Variants in NFATC3 observed in about 807,000 individuals in gnomAD.
NFATC3 encodes the protein nuclear factor of activated T cells 3.
A neutral mutation model predicts 98.6 loss-of-function variants in NFATC3; 46 were observed. That is an observed-to-expected ratio of 0.47 (90% confidence interval 0.37 to 0.60). The LOEUF (loss-of-function observed/expected upper bound fraction) is 0.60, where lower values mean the gene tolerates loss of function less well. NFATC3 is among the 20% of genes least tolerant of loss of function. The pLI is 0.00. For synonymous variants in NFATC3, 512 were observed against 472.2 expected (o/e 1.08, Z -1.09); for missense variants, 1,256 against 1,295.5 (o/e 0.97, Z 0.47).
intron 1 of NFATC3, among the ~76,000 whole-genome samples, chr16:68,107,925 T>A (rs994872604): frequency 1.9e-4 from 29 of 151,674 alleles, no homozygotes; most frequent in Admixed American, 7.9e-4. Context: ...TTTATTTTTT[T>A]TTTTTTTGTA....
chr16:68,226,035 C>G (rs1458333886), intron 9 of NFATC3: 1 of 193,264 alleles, frequency 5.2e-6, no homozygotes, highest in East Asian at 1.3e-4. Flanking sequence ...AAAATAAAAA[C>G]TTTCTCAAAG....
Position 68,115,517 on chromosome 16 carries a change from C to T in NFATC3, c.104-6470C>T, listed in dbSNP as rs190515761. On this transcript the variant is annotated intron_variant, in intron 1 of 9. Transcript: ENST00000346183. ...TCGGCTTACTGCGACCTCCGCCTCCCGGGTTCAACTGATTCCCCTGCCCCA... is the reference window on the plus strand; with the variant it reads ...TCGGCTTACTGCGACCTCCGCCTCCTGGGTTCAACTGATTCCCCTGCCCCA... 9.7e-4 allele frequency among the ~76,000 whole-genome samples: 147 copies of T among 152,090 alleles called. 6 individuals carry two copies. The highest frequency in any genetic ancestry group is 8.1e-3 in the Admixed American group (124 of 15,264).
At chr16:68,096,302 C>T (rs1330816583) in intron 1 of NFATC3, among the ~76,000 whole-genome samples, 1 of 152,010 alleles carries the variant, frequency 6.6e-6, no homozygotes, top group Non-Finnish European at 1.5e-5. Flanking sequence ...TTCATTCTTT[C>T]GAAGGCTCAT....
intron 1 of NFATC3, among the ~76,000 whole-genome samples, chr16:68,111,426 A>G (rs1266570284): frequency 1.3e-5 from 2 of 152,072 alleles, no homozygotes; most frequent in African/African-American, 4.8e-5. Flanking sequence ...CTGTTTTGTC[A>G]GAAACTAGGA....
At chr16:68,220,232 G>A (rs2041809410) in intron 9 of NFATC3, among the ~76,000 whole-genome samples, 1 of 152,140 alleles carries the variant, frequency 6.6e-6, no homozygotes, top group South Asian at 2.1e-4. Flanking sequence ...TTTAAAGGGA[G>A]GAAAATGAGG....
At chr16:68,208,626 G>A (rs1567550531) in intron 9 of NFATC3, among the ~76,000 whole-genome samples, 1 of 151,936 alleles carries the variant, frequency 6.6e-6, no homozygotes, top group Non-Finnish European at 1.5e-5. Context: ...GCTATTTGTG[G>A]GACTGAGGCA....
chr16:68,192,832 C>T (rs2040502809), intron 9 of NFATC3, among the ~76,000 whole-genome samples: 2 of 152,116 alleles, frequency 1.3e-5, no homozygotes, highest in Non-Finnish European at 2.9e-5. Flanking sequence ...CATTGCACTC[C>T]AGCTTGGGTG....
chr16:68,111,600 T>C (rs773340145), intron 1 of NFATC3, among the ~76,000 whole-genome samples: 2 of 152,206 alleles, frequency 1.3e-5, no homozygotes, highest in Non-Finnish European at 2.9e-5. Flanking sequence ...TGTATTTTAA[T>C]TGGGGTATTT....
chr16:68,089,037 G>A (rs2034560469), intron 1 of NFATC3: 5 of 985,288 alleles, frequency 5.1e-6, no homozygotes, highest in Non-Finnish European at 6.0e-6. Flanking sequence ...TCGTGGTAGA[G>A]GAAATTGACG....
rs974509119 is a variant in NFATC3 at position 68,085,628 on chromosome 16, G to C, written c.-54G>C. 111 of 1,446,848 alleles carry C rather than the reference G, an allele frequency of 7.7e-5. No homozygotes were observed. Among genetic ancestry groups the C allele is most frequent in the Non-Finnish European group, 1.0e-4 (109 of 1,092,602 alleles). 89.6% of individuals were successfully genotyped at this position (1,446,848 alleles called of 1,614,324 possible). ...CGTTGAGGAGCTGCTGCCGCCGCTT[G>C]CCGCTGCCGCCGCCGCCGCCTGAGG... On this transcript the variant is annotated 5_prime_UTR_variant, in exon 1 of 10. Transcript: ENST00000346183.
chr16:68,219,922 G>A (rs577889072), intron 9 of NFATC3, among the ~76,000 whole-genome samples: 8 of 152,304 alleles, frequency 5.3e-5, no homozygotes, highest in African/African-American at 1.4e-4. Flanking sequence ...ATGGGAAATA[G>A]CTCTAAATAA....
intron 1 of NFATC3, among the ~76,000 whole-genome samples, chr16:68,103,183 T>C (rs2035465037): frequency 6.6e-6 from 1 of 150,944 alleles, no homozygotes; most frequent in Non-Finnish European, 1.5e-5. Context: ...TTTTCTTCTT[T>C]TTTTTTTATT....
At chr16:68,153,436 G>A (rs941030449) in intron 3 of NFATC3, among the ~76,000 whole-genome samples, 5 of 151,938 alleles carry the variant, frequency 3.3e-5, no homozygotes, top group African/African-American at 1.2e-4. Context: ...AAAAGAAAAA[G>A]TTAGATAGCA....
At chr16:68,187,459 G>A (rs986003081) in intron 8 of NFATC3, among the ~76,000 whole-genome samples, 20 of 152,274 alleles carry the variant, frequency 1.3e-4, no homozygotes, top group African/African-American at 4.6e-4. Flanking sequence ...TGAGGTACAC[G>A]GACAAATGGA....
Position 68,195,863 on chromosome 16 carries a change from A to AT in NFATC3, c.3106+4095dup, listed in dbSNP as rs1401930002. Among the ~76,000 whole-genome samples, 26 of 152,198 alleles carry AT rather than the reference A, an allele frequency of 1.7e-4. No individual in the cohort carries two copies. In the East Asian group the frequency reaches 4.4e-3, roughly 26 times the overall value. ...GAAAAAACTGAAACGCACTCTTTTT[A>AT]TTTTTTTGTGATGGTAGTCTCACCC... On this transcript the variant is annotated intron_variant, in intron 9 of 9. Transcript: ENST00000346183.
intron 1 of NFATC3, among the ~76,000 whole-genome samples, chr16:68,098,916 A>G (rs1047901293): frequency 6.6e-6 from 1 of 152,220 alleles, no homozygotes; most frequent in Admixed American, 6.5e-5. Context: ...GAAGTTGTAA[A>G]TAAAATGTAA....
At chr16:68,146,453 A>G (rs1448446935) in intron 3 of NFATC3, among the ~76,000 whole-genome samples, 1 of 152,150 alleles carries the variant, frequency 6.6e-6, no homozygotes, top group Non-Finnish European at 1.5e-5. Flanking sequence ...TATATTATAC[A>G]GTGGTAAGTT....
chr16:68,102,991 C>T (rs1449634639), intron 1 of NFATC3, among the ~76,000 whole-genome samples: 1 of 152,020 alleles, frequency 6.6e-6, no homozygotes, highest in African/African-American at 2.4e-5. Flanking sequence ...GCATGTTGGT[C>T]ATTTGTATAT....
At chr16:68,201,593 A>C (rs1418070851) in intron 9 of NFATC3, among the ~76,000 whole-genome samples, 1 of 151,220 alleles carries the variant, frequency 6.6e-6, no homozygotes, top group Non-Finnish European at 1.5e-5. Context: ...TAAACATTTT[A>C]ATTAAGATTT....
Sources: allele counts gnomAD v4.1 joint callset (sites outside exome capture counted in the v4.1 genomes callset), GRCh38; gene constraint gnomAD v4.1.1; transcripts MANE v1.5; gene names NCBI Gene and HGNC (gene_info 2026-07-23, HGNC 2026-07-21).